RALGPS1: variants seen among roughly 807,000 people sequenced by gnomAD.
RALGPS1 encodes Ral GEF with PH domain and SH3 binding motif 1.
In RALGPS1, 19 loss-of-function variants were observed where a neutral mutation model predicts 78.8. The ratio of observed to expected loss-of-function variants is 0.24; its 90% CI spans 0.17 to 0.35. The LOEUF (loss-of-function observed/expected upper bound fraction) is 0.35. Among genes scored for constraint, RALGPS1 ranks in the 10% least tolerant of loss-of-function variants. The pLI, the probability that RALGPS1 is intolerant of heterozygous loss-of-function variation, is 1.00. For missense variants in RALGPS1, 454 were observed against 688.3 expected (o/e 0.66, Z 3.81); for synonymous variants, 228 against 256.3 (o/e 0.89, Z 1.06).
At chr9:126,969,584 C>T (rs1425387597) in intron 3 of RALGPS1, among the ~76,000 whole-genome samples, 2 of 152,158 alleles carry the variant, frequency 1.3e-5, no homozygotes, top group African/African-American at 2.4e-5. Flanking sequence ...GGCCTAGCTT[C>T]TATGTTCTAT....
At chr9:127,169,238 C>T (rs2059443986) in intron 10 of RALGPS1, among the ~76,000 whole-genome samples, 1 of 152,206 alleles carries the variant, frequency 6.6e-6, no homozygotes. Flanking sequence ...GAGCCTGTTT[C>T]ATGGATGAGA....
At chr9:127,117,410 T>C (rs2055549803) in intron 8 of RALGPS1, among the ~76,000 whole-genome samples, 1 of 152,248 alleles carries the variant, frequency 6.6e-6, no homozygotes, top group Non-Finnish European at 1.5e-5. Flanking sequence ...ATTTGTATAA[T>C]GTATTTCCCA....
At chr9:127,071,011 T>C (rs575815444) in intron 8 of RALGPS1, among the ~76,000 whole-genome samples, 117 of 146,082 alleles carry the variant, frequency 8.0e-4, no homozygotes, top group African/African-American at 2.8e-3. Context: ...TAATATTCTC[T>C]TATAAATTTG....
intron 1 of RALGPS1, among the ~76,000 whole-genome samples, chr9:126,924,704 T>A (rs1338296511): frequency 6.6e-6 from 1 of 152,222 alleles, no homozygotes; most frequent in East Asian, 1.9e-4. Flanking sequence ...GGTAGTCTTA[T>A]TCCTTATTCT....
At chr9:127,139,953 G>T (rs1473339632) in intron 8 of RALGPS1, among the ~76,000 whole-genome samples, 2 of 152,210 alleles carry the variant, frequency 1.3e-5, no homozygotes, top group Non-Finnish European at 2.9e-5. Context: ...GCCCATGCCA[G>T]CCGCCATCCG....
Position 127,218,689 on chromosome 9 carries a change from G to A in RALGPS1, c.1645-51G>A, listed in dbSNP as rs761829555. On this transcript the variant is annotated intron_variant, in intron 18 of 18. Transcript: ENST00000259351. This position sits in a 1 kb window ranked among gnomAD's most constrained non-coding sequence, Gnocchi z 4.4. ...CTTCCCCTAGGGACCACCACCCCTT[G>A]TCCTTCTCTGAGGTCGGAACTTTAA... 6.3e-7 allele frequency: 1 copy of A among 1,587,162 alleles called. No homozygotes were observed. Among genetic ancestry groups the A allele is most frequent in the South Asian group, 1.1e-5 (1 of 90,508 alleles).
intron 8 of RALGPS1, among the ~76,000 whole-genome samples, chr9:127,123,064 C>T (rs371128823): frequency 1.3e-5 from 2 of 152,246 alleles, no homozygotes; most frequent in African/African-American, 4.8e-5. Flanking sequence ...GGGTCCTCCC[C>T]CTGGATGCCT....
At chr9:127,102,173 A>G (rs1043792308) in intron 8 of RALGPS1, among the ~76,000 whole-genome samples, 19 of 152,208 alleles carry the variant, frequency 1.2e-4, no homozygotes, top group African/African-American at 4.6e-4. Context: ...CATTACTTTT[A>G]CAAGACTGAA....
At chr9:127,163,328 A>T (rs1211451719) in intron 8 of RALGPS1, among the ~76,000 whole-genome samples, 1 of 152,216 alleles carries the variant, frequency 6.6e-6, no homozygotes, top group African/African-American at 2.4e-5. Flanking sequence ...ATGTACCCTA[A>T]AACTGAGTTA....
intron 8 of RALGPS1, among the ~76,000 whole-genome samples, chr9:127,073,554 T>C (rs1378018470): frequency 6.6e-6 from 1 of 152,062 alleles, no homozygotes; most frequent in East Asian, 1.9e-4. Context: ...TTGGGTAAGG[T>C]GAATACTGCT....
chr9:126,988,262 A>G (rs543333867), intron 4 of RALGPS1, among the ~76,000 whole-genome samples: 1 of 152,322 alleles, frequency 6.6e-6, no homozygotes, highest in South Asian at 2.1e-4. Context: ...TTTGAGGAGC[A>G]TGGACACGTG....
chr9:126,945,652 A>G (rs1242111628), intron 1 of RALGPS1, among the ~76,000 whole-genome samples: 2 of 152,180 alleles, frequency 1.3e-5, no homozygotes, highest in African/African-American at 2.4e-5. Flanking sequence ...TGGGAGAGTC[A>G]GGACCATCAG....
intron 8 of RALGPS1, chr9:127,092,012 A>C: frequency 6.4e-7 from 1 of 1,567,970 alleles, no homozygotes; most frequent in South Asian, 1.2e-5. Context: ...GCTGTCAGAC[A>C]CTCAGCCCTG....
chr9:127,197,358 T>C (rs2061399962), intron 13 of RALGPS1, among the ~76,000 whole-genome samples: 1 of 152,070 alleles, frequency 6.6e-6, no homozygotes, highest in Non-Finnish European at 1.5e-5. Flanking sequence ...TGCCTTTCGG[T>C]GTGCCTGTGC....
intron 8 of RALGPS1, chr9:127,093,921 A>T: frequency 1.9e-6 from 3 of 1,613,522 alleles, no homozygotes; most frequent in East Asian, 2.2e-5. Context: ...CAGTCTCTCC[A>T]TGGGCCTGGG....
chr9:126,981,113 G>T (rs1264814908), intron 4 of RALGPS1, among the ~76,000 whole-genome samples: 1 of 152,130 alleles, frequency 6.6e-6, no homozygotes, highest in Non-Finnish European at 1.5e-5. Flanking sequence ...GGAGATGGGG[G>T]TATTTAGCTT....
intron 8 of RALGPS1, among the ~76,000 whole-genome samples, chr9:127,089,752 A>T (rs1420773470): frequency 1.3e-5 from 2 of 152,258 alleles, no homozygotes; most frequent in East Asian, 3.8e-4. Context: ...ATCATGCTGA[A>T]TTTTGCTGCC....
chr9:127,157,561 A>T (rs1036576267), intron 8 of RALGPS1, among the ~76,000 whole-genome samples: 4 of 152,048 alleles, frequency 2.6e-5, no homozygotes, highest in Non-Finnish European at 5.9e-5. Flanking sequence ...TAAGTCTTAC[A>T]CATTTCTAAG....
chr9:127,182,709 G>A (rs369487000), intron 11 of RALGPS1, among the ~76,000 whole-genome samples: 2 of 152,056 alleles, frequency 1.3e-5, no homozygotes, highest in African/African-American at 2.4e-5. Context: ...GATTACAGGC[G>A]TGAGTCACCA....
Sources: gnomAD v4.1 joint callset for allele counts (sites outside exome capture counted in the v4.1 genomes callset) on GRCh38, gnomAD v4.1.1 for gene constraint, Gnocchi (gnomAD v3.1) non-coding constraint, MANE v1.5 for transcripts, NCBI Gene and HGNC (gene_info 2026-07-23, HGNC 2026-07-21) for gene names.